EFEMP1: variants seen among roughly 807,000 people sequenced by gnomAD.
EFEMP1 encodes the protein EGF-containing fibulin-like extracellular matrix protein 1.
A neutral mutation model predicts 65.7 loss-of-function variants in EFEMP1; 18 were observed. The ratio of observed to expected loss-of-function variants is 0.27; its 90% CI spans 0.19 to 0.41. The LOEUF (loss-of-function observed/expected upper bound fraction) is 0.41, where lower values mean the gene tolerates loss of function less well. Ranked by LOEUF, EFEMP1 falls within the 10% of genes least tolerant of loss-of-function variation. EFEMP1 has a pLI of 1.00. For missense variants in EFEMP1, 469 were observed against 624.8 expected (o/e 0.75, Z 2.66); for synonymous variants, 237 against 219.7 (o/e 1.08, Z -0.70).
At chr2:55,872,114 CTCTATG>C (rs565909110) in intron 9 of EFEMP1, among the ~76,000 whole-genome samples, 1 of 152,136 alleles carries the variant, frequency 6.6e-6, no homozygotes, top group Non-Finnish European at 1.5e-5. Context: ...ATATCTACAT[CTCTATG>C]TCTGTCTCCC....
chr2:55,888,411 C>A (rs566446770), intron 5 of EFEMP1, among the ~76,000 whole-genome samples: 6 of 139,728 alleles, frequency 4.3e-5, no homozygotes, highest in Admixed American at 3.1e-4. Flanking sequence ...AATCTTGGCT[C>A]ACTGAAACCT....
chr2:55,881,812 G>A, intron 5 of EFEMP1, 78 bp from the exon 6 acceptor site: 1 of 1,562,788 alleles, frequency 6.4e-7, no homozygotes, highest in Non-Finnish European at 8.8e-7. Context: ...CACTTCTTAA[G>A]CTAAATTTTT....
At chr2:55,898,313 T>G (rs1669907044) in intron 5 of EFEMP1, among the ~76,000 whole-genome samples, 1 of 152,232 alleles carries the variant, frequency 6.6e-6, no homozygotes, top group African/African-American at 2.4e-5. Flanking sequence ...TTCACCCTAC[T>G]TAGAGTCAAA....
At chr2:55,907,593 A>C (rs1055599824) in intron 5 of EFEMP1, among the ~76,000 whole-genome samples, 1 of 152,240 alleles carries the variant, frequency 6.6e-6, no homozygotes, top group Non-Finnish European at 1.5e-5. Flanking sequence ...ATTTAATGGC[A>C]TGCTGGTGTG....
chr2:55,875,335 TACACACACACACAC>T (rs768780443), intron 8 of EFEMP1, among the ~76,000 whole-genome samples: 1 of 125,396 alleles, frequency 8.0e-6, no homozygotes, highest in South Asian at 2.5e-4. Flanking sequence ...GTTTCATATA[TACACACACACACAC>T]ACACACACAC....
chr2:55,898,466 A>G (rs986949927), intron 5 of EFEMP1, among the ~76,000 whole-genome samples: 2 of 152,130 alleles, frequency 1.3e-5, no homozygotes, highest in Non-Finnish European at 2.9e-5. Flanking sequence ...GCCTCTTACT[A>G]GCATACTTTA....
intron 5 of EFEMP1, among the ~76,000 whole-genome samples, chr2:55,892,298 C>A (rs2104409868): frequency 6.6e-6 from 1 of 152,218 alleles, no homozygotes; most frequent in South Asian, 2.1e-4. Flanking sequence ...TTAAAGCCTA[C>A]TTTGATAAAT....
chr2:55,870,805 T>G lies in EFEMP1; in HGVS notation c.1235A>C (p.Gln412Pro). The G allele has an allele frequency of 1.2e-6, 2 of 1,613,902 alleles. No individual in the cohort carries two copies. Among genetic ancestry groups the G allele is most frequent in the Non-Finnish European group, 1.7e-6 (2 of 1,179,842 alleles). ...SDRSVPSDIF[Q>P]IQATTIYANT... is the part of the protein sequence containing the mutation. The stretch of plus-strand genomic sequence containing the variant: ...GGCATAAATAGTTGTGGCCTGTATC[T>G]GGAAGATGTCTGATGGCACAGACCT... Residue 412 changes from glutamine to proline, a missense_variant, in exon 11 of 12, where the codon CAG (glutamine) becomes CCG (proline). Physicochemically the swap from Gln to Pro is moderately conservative, Grantham distance 76. Around this residue, in one of 3 missense-constraint regions of EFEMP1, gnomAD observed 399 missense variants for 528.2 expected, o/e 0.76. Transcript: ENST00000355426. This position sits in a 1 kb window ranked among gnomAD's most constrained non-coding sequence, Gnocchi z 5.8.
At chr2:55,907,897 T>G (rs4318427) in intron 5 of EFEMP1, among the ~76,000 whole-genome samples, 1 of 152,188 alleles carries the variant, frequency 6.6e-6, no homozygotes, top group Non-Finnish European at 1.5e-5. Flanking sequence ...GTCATGATTC[T>G]CATTTTAACT....
intron 5 of EFEMP1, among the ~76,000 whole-genome samples, chr2:55,903,052 T>A (rs925822621): frequency 6.6e-6 from 1 of 152,214 alleles, no homozygotes; most frequent in Non-Finnish European, 1.5e-5. Flanking sequence ...TCCAGCAAGA[T>A]AAACTGATTT....
At chr2:55,903,380 G>C (rs1254919101) in intron 5 of EFEMP1, among the ~76,000 whole-genome samples, 4 of 152,214 alleles carry the variant, frequency 2.6e-5, no homozygotes, top group African/African-American at 9.6e-5. Flanking sequence ...CCCATTTGCT[G>C]CTGCAGAAAG....
intron 5 of EFEMP1, among the ~76,000 whole-genome samples, chr2:55,882,454 G>A (rs1451012874): frequency 1.3e-5 from 2 of 152,100 alleles, no homozygotes; most frequent in African/African-American, 4.8e-5. Context: ...GTGCCTTAAT[G>A]AGTATGCAGG....
intron 5 of EFEMP1, among the ~76,000 whole-genome samples, chr2:55,905,040 T>A (rs1670198630): frequency 7.1e-6 from 1 of 141,250 alleles, no homozygotes; most frequent in Admixed American, 7.3e-5. Context: ...ATATATTACC[T>A]ATTAGAATAA....
intron 5 of EFEMP1, among the ~76,000 whole-genome samples, chr2:55,902,749 T>C (rs1293842185): frequency 1.3e-5 from 2 of 152,222 alleles, no homozygotes; most frequent in Admixed American, 1.3e-4. Flanking sequence ...ATTAATTCTA[T>C]TATAATCACA....
Position 55,870,405 on chromosome 2 carries a change from G to A in EFEMP1, c.1320+315C>T, listed in dbSNP as rs1241019989. On this transcript the variant is annotated intron_variant, in intron 11 of 11. Coordinates refer to ENST00000355426, the MANE Select transcript of EFEMP1 (RefSeq NM_001039348.3). This position sits in a 1 kb window ranked among gnomAD's most constrained non-coding sequence, Gnocchi z 5.8. ...GGGGGGATGGGAGGCTTGTATTTTCGTGGTCACACACAACTCTATCAGAGT... is the reference window on the plus strand; with the variant it reads ...GGGGGGATGGGAGGCTTGTATTTTCATGGTCACACACAACTCTATCAGAGT... Among the ~76,000 whole-genome samples, 6 of 152,026 alleles carry A rather than the reference G, an allele frequency of 3.9e-5. No individual in the cohort carries two copies. In the South Asian group the frequency reaches 8.3e-4, roughly 21 times the overall value.
Position 55,871,901 on chromosome 2 carries a change from G to A in EFEMP1, c.1001-778C>T, listed in dbSNP as rs990177445. On this transcript the variant is annotated intron_variant, in intron 9 of 11. Coordinates refer to ENST00000355426, the MANE Select transcript of EFEMP1 (RefSeq NM_001039348.3). The surrounding 1 kb of genome is among the most constrained non-coding windows in gnomAD (Gnocchi z 4.2). Reference sequence around the variant, plus strand: ...TTAAGGAAGAGGCTGTCAGTGCAGGGAGACAACCCAGGAAAAGGCAATGCC... The same window carrying A: ...TTAAGGAAGAGGCTGTCAGTGCAGGAAGACAACCCAGGAAAAGGCAATGCC... 2.0e-5 allele frequency among the ~76,000 whole-genome samples: 3 copies of A among 151,988 alleles called. No homozygotes were observed. Among genetic ancestry groups the A allele is most frequent in the South Asian group, 2.1e-4 (1 of 4,822 alleles).
Position 55,877,039 on chromosome 2 carries a change from A to T in EFEMP1, c.761-297T>A, listed in dbSNP as rs1306625999. Among the ~76,000 whole-genome samples the T allele has an allele frequency of 6.6e-6, 1 of 152,124 alleles. No individual in the cohort carries two copies. Among genetic ancestry groups the T allele is most frequent in the Non-Finnish European group, 1.5e-5 (1 of 68,004 alleles). On this transcript the variant is annotated intron_variant, in intron 7 of 11. Transcript: ENST00000355426. This position sits in a 1 kb window ranked among gnomAD's most constrained non-coding sequence, Gnocchi z 4.5. ...TGATGAATCTTTCCAAAGGAATTTA[A>T]TGCTTCTAATAAATATACACTCCGG...
Position 55,883,422 on chromosome 2 carries a change from G to C in EFEMP1, c.518-1688C>G, listed in dbSNP as rs1669317990. Among the ~76,000 whole-genome samples the C allele has an allele frequency of 6.6e-6, 1 of 152,080 alleles. No individual in the cohort carries two copies. The highest frequency in any genetic ancestry group is 2.1e-4 in the South Asian group (1 of 4,826). ...TGCACTTGATGAAAACCTTTTTACT[G>C]GGGTTTCTTCAGAGCTTTATGACTC... On this transcript the variant is annotated intron_variant, in intron 5 of 11. Transcript: ENST00000355426. The surrounding 1 kb of genome is among the most constrained non-coding windows in gnomAD (Gnocchi z 4.5).
At position 55,871,985 on chromosome 2, in the gene EFEMP1, A is replaced by G. The variant is rs1668827553; in HGVS notation, c.1001-862T>C. On this transcript the variant is annotated intron_variant, in intron 9 of 11. Coordinates refer to ENST00000355426, the MANE Select transcript of EFEMP1 (RefSeq NM_001039348.3). This position sits in a 1 kb window ranked among gnomAD's most constrained non-coding sequence, Gnocchi z 4.2. Reference sequence around the variant, plus strand: ...AAGGGTTGTGTTTACCTCAGGCTGGACAAAGATTGACTTTAAATTTGGGAA... The same window carrying G: ...AAGGGTTGTGTTTACCTCAGGCTGGGCAAAGATTGACTTTAAATTTGGGAA... Among the ~76,000 whole-genome samples, 1 of 152,084 alleles carries G rather than the reference A, an allele frequency of 6.6e-6. No homozygotes were observed. Among genetic ancestry groups the G allele is most frequent in the Admixed American group, 6.6e-5 (1 of 15,244 alleles).
Sources: allele counts gnomAD v4.1 joint callset (sites outside exome capture counted in the v4.1 genomes callset), GRCh38; gene constraint gnomAD v4.1.1; regional missense constraint gnomAD v4.1.1; non-coding constraint Gnocchi (gnomAD v3.1); transcripts MANE v1.5; gene names NCBI Gene and HGNC (gene_info 2026-07-23, HGNC 2026-07-21).